ACSF3: variants seen among roughly 807,000 people sequenced by gnomAD.
ACSF3 encodes malonate--CoA ligase ACSF3, mitochondrial.
In ACSF3, 78 loss-of-function variants were observed where a neutral mutation model predicts 53.2. The observed-to-expected ratio is 1.47, with a 90% CI of 1.22 to 1.77. The LOEUF is 1.77. ACSF3 is among the 40% of genes most tolerant of loss of function. ACSF3 has a pLI of 0.00. For synonymous variants in ACSF3, 414 were observed against 333.1 expected (o/e 1.24, Z -2.65); for missense variants, 937 against 771.1 (o/e 1.22, Z -2.55).
rs540209375 is a variant in ACSF3 at position 89,110,415 on chromosome 16, C to G, written c.823-1677C>G. On this transcript the variant is annotated intron_variant, in intron 4 of 10. Transcript: ENST00000614302. ...TTGTGAGAAAGATTATCCTTTTGTC[C>G]TTTTCCCTATTGGGGACTTGGTTTC... Among the ~76,000 whole-genome samples, 9 of 152,280 alleles carry G rather than the reference C, an allele frequency of 5.9e-5. No homozygotes were observed. The East Asian group carries it at 1.5e-3, about 26-fold the overall frequency.
At position 89,133,614 on chromosome 16, in the gene ACSF3, C is replaced by G. The variant is rs186172007; in HGVS notation, c.1366+352C>G. Among the ~76,000 whole-genome samples the G allele has an allele frequency of 5.9e-5, 9 of 152,334 alleles. No homozygotes were observed. In the East Asian group the frequency reaches 1.5e-3, roughly 26 times the overall value. ...AGCCCTTCCTGGTGGCCCTGCTGCC[C>G]CTCGTGGGCTGGGGCACCCTCCACC... On this transcript the variant is annotated intron_variant, in intron 8 of 10. Transcript: ENST00000614302.
At chr16:89,098,559 C>G (rs774356361) in intron 1 of ACSF3, 32 bp from the exon 2 acceptor site, 19 of 438,322 alleles carry the variant, frequency 4.3e-5, no homozygotes, top group Non-Finnish European at 8.3e-5. Flanking sequence ...ATACACACAG[C>G]CTGGGACCTC....
intron 7 of ACSF3, among the ~76,000 whole-genome samples, chr16:89,123,739 T>C (rs1041129437): frequency 1.3e-5 from 2 of 152,214 alleles, no homozygotes; most frequent in Non-Finnish European, 2.9e-5. Context: ...GAATGTGCCC[T>C]GTGGGGATGG....
chr16:89,133,742 G>A (rs1006165089), intron 8 of ACSF3, among the ~76,000 whole-genome samples: 6 of 152,240 alleles, frequency 3.9e-5, no homozygotes, highest in South Asian at 2.1e-4. Context: ...GTCAGCTGAC[G>A]CAGTGCGGTT....
intron 7 of ACSF3, among the ~76,000 whole-genome samples, chr16:89,130,247 G>T (rs971000870): frequency 3.3e-5 from 5 of 152,164 alleles, no homozygotes; most frequent in African/African-American, 1.2e-4. Context: ...GGAATTCTGG[G>T]TTGACAACTA....
At chr16:89,140,677 G>C (rs79260508) in intron 8 of ACSF3, among the ~76,000 whole-genome samples, 1 of 152,052 alleles carries the variant, frequency 6.6e-6, no homozygotes, top group Non-Finnish European at 1.5e-5. Flanking sequence ...CTTATCTTGC[G>C]TGCGGGTCAG....
At chr16:89,143,766 ACAGAGTTC>A (rs775076293) in intron 8 of ACSF3, among the ~76,000 whole-genome samples, 45 of 152,094 alleles carry the variant, frequency 3.0e-4, no homozygotes, top group African/African-American at 7.5e-4. Flanking sequence ...ACCCATCAGC[ACAGAGTTC>A]CAGAGTTCCA....
At chr16:89,136,590 CAG>C (rs1910522670) in intron 8 of ACSF3, 2 of 1,284,366 alleles carry the variant, frequency 1.6e-6, no homozygotes, top group Non-Finnish European at 1.0e-6. Flanking sequence ...CCGGCGGGCA[CAG>C]GGGACAGCCA....
At chr16:89,102,969 A>G (rs1039691841) in intron 4 of ACSF3, among the ~76,000 whole-genome samples, 1 of 152,218 alleles carries the variant, frequency 6.6e-6, no homozygotes, top group Non-Finnish European at 1.5e-5. Context: ...CCTGGGTAGC[A>G]TGGAACCCTG....
chr16:89,133,877 C>T (rs541010998), intron 8 of ACSF3, among the ~76,000 whole-genome samples: 86 of 152,354 alleles, frequency 5.6e-4, no homozygotes, highest in African/African-American at 2.0e-3. Context: ...AAGCCTGTGG[C>T]GGTCAGGAGA....
intron 7 of ACSF3, among the ~76,000 whole-genome samples, chr16:89,128,092 C>T (rs1195133084): frequency 5.9e-5 from 9 of 151,858 alleles, no homozygotes; most frequent in African/African-American, 2.2e-4. Flanking sequence ...GTTTCTTCTA[C>T]TTGCTTCTGG....
chr16:89,147,220 G>A (rs1398948243), intron 10 of ACSF3, among the ~76,000 whole-genome samples: 1 of 115,012 alleles, frequency 8.7e-6, no homozygotes, highest in African/African-American at 3.5e-5. Context: ...AGGAGGGAGG[G>A]TCCACAGAGT....
Position 89,093,902 on chromosome 16 carries a change from C to T in ACSF3, c.-288C>T, listed in dbSNP as rs1233562740. ...CGACTCACGACCCCGCGGGACCCGGCCGGAACCCGGCCCGACCCCGGCGCG... is the reference window on the plus strand; with the variant it reads ...CGACTCACGACCCCGCGGGACCCGGTCGGAACCCGGCCCGACCCCGGCGCG... On this transcript the variant is annotated 5_prime_UTR_variant, in exon 1 of 11. Transcript: ENST00000614302. The T allele has an allele frequency of 6.1e-6, 2 of 326,432 alleles. No homozygotes were observed. Among genetic ancestry groups the T allele is most frequent in the East Asian group, 1.6e-4 (1 of 6,400 alleles). 20.2% of individuals were successfully genotyped at this position (326,432 alleles called of 1,614,324 possible).
At chr16:89,108,876 A>T (rs1389690570) in intron 4 of ACSF3, among the ~76,000 whole-genome samples, 2 of 152,212 alleles carry the variant, frequency 1.3e-5, no homozygotes, top group East Asian at 3.8e-4. Context: ...CATTCATCTT[A>T]CATAGACACA....
At chr16:89,105,980 C>T (rs913330673) in intron 4 of ACSF3, among the ~76,000 whole-genome samples, 4 of 152,262 alleles carry the variant, frequency 2.6e-5, no homozygotes, top group Non-Finnish European at 5.9e-5. Flanking sequence ...AATGACACCA[C>T]CTGGCCCTTT....
In ACSF3 at chr16:89,112,207, C is replaced by G; in HGVS notation, c.938C>G (p.Ala313Gly). Residue 313 changes from alanine to glycine, a missense_variant, in exon 5 of 11, where the codon GCC becomes GGC. Physicochemically the swap from Ala to Gly is moderately conservative, Grantham distance 60. Coordinates refer to ENST00000614302, the MANE Select transcript of ACSF3 (RefSeq NM_001243279.3). ...GACAGGCATTTTACCCAGCCGCACG[C>G]CCAGGATTTCTTGCGTGCAGTTTGT... ...YYDRHFTQPH[A>G]QDFLRAVCEE... 6.2e-7 allele frequency: 1 copy of G among 1,614,200 alleles called. No homozygotes were observed. Among genetic ancestry groups the G allele is most frequent in the Non-Finnish European group, 8.5e-7 (1 of 1,180,036 alleles).
chr16:89,138,990 C>T lies in ACSF3; in HGVS notation c.1366+5728C>T, dbSNP rs117956831. Among the ~76,000 whole-genome samples, 1,009 of 152,330 alleles carry T rather than the reference C, an allele frequency of 6.6e-3. 10 individuals carry two copies. Among genetic ancestry groups the T allele is most frequent in the Non-Finnish European group, 0.01 (686 of 68,026 alleles). On this transcript the variant is annotated intron_variant, in intron 8 of 10. Coordinates refer to ENST00000614302, the MANE Select transcript of ACSF3 (RefSeq NM_001243279.3). ...TCGCCGGCTGCTGCTTCTGTGCGGTCCCCGCATCCCGAGGGCCGCCAGCAC... is the reference window on the plus strand; with the variant it reads ...TCGCCGGCTGCTGCTTCTGTGCGGTTCCCGCATCCCGAGGGCCGCCAGCAC...
Position 89,122,984 on chromosome 16 carries a change from G to A in ACSF3, c.1239+2071G>A, listed in dbSNP as rs886725742. On this transcript the variant is annotated intron_variant, in intron 7 of 10. Coordinates refer to ENST00000614302, the MANE Select transcript of ACSF3 (RefSeq NM_001243279.3). ...TGACAGTCAGAGACACCGCACAGGG[G>A]CCTCTGCGACAGGCATGCAGGCAGA... 2.6e-5 allele frequency among the ~76,000 whole-genome samples: 4 copies of A among 152,216 alleles called. No homozygotes were observed. The East Asian group carries it at 5.8e-4, about 22-fold the overall frequency.
At chr16:89,101,421 A>G in intron 3 of ACSF3, 74 bp downstream of exon 3, 1 of 1,546,278 alleles carries the variant, frequency 6.5e-7, no homozygotes, top group Middle Eastern at 2.2e-4. Context: ...CCAGAAGCAC[A>G]TCTTTTCATT....
Sources: gnomAD v4.1 joint callset for allele counts (sites outside exome capture counted in the v4.1 genomes callset) on GRCh38, gnomAD v4.1.1 for gene constraint, MANE v1.5 for transcripts, NCBI Gene and HGNC (gene_info 2026-07-23, HGNC 2026-07-21) for gene names.